The following RPS6KA2 variants were observed in gnomAD, a reference collection of about 807,000 sequenced individuals.
RPS6KA2 encodes ribosomal protein S6 kinase A2, also known as ribosomal protein S6 kinase alpha-2.
Under a neutral mutation model 91.8 loss-of-function variants are expected in RPS6KA2, and 42 were observed. The ratio of observed to expected loss-of-function variants is 0.46; its 90% CI spans 0.36 to 0.59. RPS6KA2 has a LOEUF of 0.59. Ranked by LOEUF, RPS6KA2 falls within the 20% of genes least tolerant of loss-of-function variation. The pLI, the probability that RPS6KA2 is intolerant of heterozygous loss-of-function variation, is 0.00. For synonymous variants in RPS6KA2, 414 were observed against 393.6 expected, an observed-to-expected ratio of 1.05 and a Z score of -0.61; for missense variants, 798 against 978.5, an observed-to-expected ratio of 0.82 and a Z score of 2.46.
chr6:166,699,248 AAG>A (rs1389760207), intron 2 of RPS6KA2, among the ~76,000 whole-genome samples: 4 of 152,190 alleles, frequency 2.6e-5, no homozygotes, highest in Admixed American at 2.6e-4. Flanking sequence ...CTCAGGGGCA[AAG>A]AGAGAGCAAA....
rs770128535 is a variant in RPS6KA2 at position 166,609,334 on chromosome 6, C to T, written c.99+17587G>A. Among the ~76,000 whole-genome samples the T allele has an allele frequency of 6.6e-5, 10 of 151,962 alleles. No individual in the cohort carries two copies. In the South Asian group the frequency reaches 8.3e-4, roughly 13 times the overall value. The stretch of plus-strand genomic sequence containing the variant: ...CAGAACCTTGATTTAGATCTACTTT[C>T]GGGGTTGTTACAGAAAGATCTGTTG... On this transcript the variant is annotated intron_variant, in intron 1 of 20. Coordinates refer to ENST00000265678, the MANE Select transcript of RPS6KA2 (RefSeq NM_021135.6).
chr6:166,738,431 T>G (rs997278567), intron 2 of RPS6KA2, among the ~76,000 whole-genome samples: 6 of 152,250 alleles, frequency 3.9e-5, no homozygotes, highest in African/African-American at 1.4e-4. Flanking sequence ...GCAGAGACCC[T>G]ACAGCAGGAA....
chr6:166,681,268 A>T (rs998338705), intron 2 of RPS6KA2, among the ~76,000 whole-genome samples: 4 of 152,210 alleles, frequency 2.6e-5, no homozygotes, highest in African/African-American at 9.7e-5. Flanking sequence ...CCCACGACAA[A>T]AAGAAGTGGG....
chr6:166,513,450 A>G (rs989262044), intron 3 of RPS6KA2, among the ~76,000 whole-genome samples: 1 of 152,204 alleles, frequency 6.6e-6, no homozygotes, highest in Admixed American at 6.5e-5. Context: ...TGCTTAAAAG[A>G]CCTTGGGGAG....
At chr6:166,507,685 C>G (rs569599740) in intron 5 of RPS6KA2, among the ~76,000 whole-genome samples, 2 of 150,972 alleles carry the variant, frequency 1.3e-5, no homozygotes, top group South Asian at 2.1e-4. Context: ...GCCAAACACA[C>G]CCCCACATAT....
At chr6:166,765,777 A>G (rs78302033) in intron 2 of RPS6KA2, among the ~76,000 whole-genome samples, 3 of 152,178 alleles carry the variant, frequency 2.0e-5, no homozygotes, top group Admixed American at 6.5e-5. Context: ...TTTAGGCTTC[A>G]TCTCCTCATC....
At chr6:166,650,362 G>A (rs1411640338) in intron 2 of RPS6KA2, among the ~76,000 whole-genome samples, 1 of 151,872 alleles carries the variant, frequency 6.6e-6, no homozygotes. Context: ...AGAAGAGGGG[G>A]CATTCTCCAG....
At chr6:166,854,641 T>A (rs1299967842) in intron 2 of RPS6KA2, among the ~76,000 whole-genome samples, 1 of 152,222 alleles carries the variant, frequency 6.6e-6, no homozygotes, top group Non-Finnish European at 1.5e-5. Context: ...GCAAGAGGCA[T>A]GAAACGTTTA....
chr6:166,611,524 C>T (rs1786175665), intron 1 of RPS6KA2, among the ~76,000 whole-genome samples: 1 of 152,212 alleles, frequency 6.6e-6, no homozygotes. Context: ...GCTTCTTGTA[C>T]AGAGTGAATG....
At chr6:166,758,256 T>C (rs1247628766) in intron 2 of RPS6KA2, among the ~76,000 whole-genome samples, 4 of 152,238 alleles carry the variant, frequency 2.6e-5, no homozygotes, top group Non-Finnish European at 4.4e-5. Context: ...GTCATCACCC[T>C]GTATTACCCC....
chr6:166,464,564 C>T (rs533019647), intron 11 of RPS6KA2, among the ~76,000 whole-genome samples: 3 of 152,176 alleles, frequency 2.0e-5, no homozygotes, highest in Non-Finnish European at 2.9e-5. Flanking sequence ...TTTGCAGTTC[C>T]CTGGGTCCCC....
intron 13 of RPS6KA2, among the ~76,000 whole-genome samples, chr6:166,449,992 T>A (rs1779821531): frequency 7.0e-6 from 1 of 142,170 alleles, no homozygotes; most frequent in Non-Finnish European, 1.5e-5. Context: ...GGGACCGCCA[T>A]GGGAACCACC....
intron 2 of RPS6KA2, among the ~76,000 whole-genome samples, chr6:166,855,495 AGAAGAG>A (rs1780875527): frequency 1.7e-5 from 2 of 115,162 alleles, no homozygotes; most frequent in African/African-American, 7.0e-5. Flanking sequence ...AAGAGGAAGA[AGAAGAG>A]GAAGAAGAAG....
rs537224179 is a variant in RPS6KA2, at chr6:166,635,927, G to C, written c.124-97143C>G. 2.6e-5 allele frequency among the ~76,000 whole-genome samples: 4 copies of C among 152,164 alleles called. No individual in the cohort carries two copies. On this transcript the variant is annotated intron_variant, in intron 2 of 21. Transcript: ENST00000503859. The surrounding 1 kb of genome is among the most constrained non-coding windows in gnomAD (Gnocchi z 4.8). Reference sequence around the variant, plus strand: ...AGCCACCAACCCTACTCTAGACCAGGGTGGTCACCTGCTAGCTTGGCCGCC... The same window carrying C: ...AGCCACCAACCCTACTCTAGACCAGCGTGGTCACCTGCTAGCTTGGCCGCC...
At position 166,726,257 on chromosome 6, in the gene RPS6KA2, C is replaced by T. The variant is rs1379561388; in HGVS notation, c.123+131943G>A. On this transcript the variant is annotated intron_variant, in intron 2 of 21. Coordinates refer to the RPS6KA2 transcript ENST00000503859. This position sits in a 1 kb window ranked among gnomAD's most constrained non-coding sequence, Gnocchi z 4.4. The stretch of plus-strand genomic sequence containing the variant: ...GAATAAACTGAAAAGCAGACAGTAC[C>T]TAGGACAAGGACAGACCAGAGGCTG... Among the ~76,000 whole-genome samples, 1 of 152,040 alleles carries T rather than the reference C, an allele frequency of 6.6e-6. No individual in the cohort carries two copies. The highest frequency in any genetic ancestry group is 2.4e-5 in the African/African-American group (1 of 41,382).
chr6:166,810,422 A>C (rs1310207610), intron 2 of RPS6KA2, among the ~76,000 whole-genome samples: 3 of 152,166 alleles, frequency 2.0e-5, no homozygotes, highest in Non-Finnish European at 2.9e-5. Flanking sequence ...TTGTGACGGG[A>C]AAGTGAGGGC....
At chr6:166,858,516 T>C (rs762101756) in intron 1 of RPS6KA2, among the ~76,000 whole-genome samples, 14 of 152,242 alleles carry the variant, frequency 9.2e-5, no homozygotes, top group Non-Finnish European at 1.8e-4. Flanking sequence ...CTCAAACGAC[T>C]AAATCAATGA....
chr6:166,691,195 C>T (rs929270515), intron 2 of RPS6KA2, among the ~76,000 whole-genome samples: 2 of 152,136 alleles, frequency 1.3e-5, no homozygotes, highest in Non-Finnish European at 2.9e-5. Context: ...ATTACGGCCC[C>T]GGGTTCTAGC....
intron 2 of RPS6KA2, among the ~76,000 whole-genome samples, chr6:166,716,645 A>C (rs554913697): frequency 6.6e-6 from 1 of 152,380 alleles, no homozygotes; most frequent in East Asian, 1.9e-4. Context: ...TTGTGAAGTC[A>C]GAATGGAAAA....
Sources: gnomAD v4.1 joint callset for allele counts (sites outside exome capture counted in the v4.1 genomes callset) on GRCh38, gnomAD v4.1.1 for gene constraint, Gnocchi (gnomAD v3.1) non-coding constraint, MANE v1.5 for transcripts, NCBI Gene and HGNC (gene_info 2026-07-23, HGNC 2026-07-21) for gene names.